Variants in SNX4 observed in about 807,000 individuals in gnomAD.
The protein encoded by SNX4 is sorting nexin-4.
In SNX4, 49 loss-of-function variants were observed where a neutral mutation model predicts 70.8. That is an observed-to-expected ratio of 0.69 (90% CI 0.55 to 0.88). SNX4 has a LOEUF of 0.88. Among genes scored for constraint, SNX4 ranks in the 40% least tolerant of loss-of-function variants. The pLI, the probability that SNX4 is intolerant of heterozygous loss-of-function variation, is 0.00. For missense variants in SNX4, 528 were observed against 544.8 expected (o/e 0.97, Z 0.31); for synonymous variants, 206 against 183.8 (o/e 1.12, Z -0.98).
intron 2 of SNX4, among the ~76,000 whole-genome samples, chr3:125,503,498 TTTTC>T (rs761320377): frequency 2.6e-5 from 4 of 152,164 alleles, no homozygotes; most frequent in Non-Finnish European, 5.9e-5. Context: ...ACCAAGTTCT[TTTTC>T]TTTGTTTTTT....
chr3:125,451,552 T>A, intron 12 of SNX4, 133 bp from the exon 13 acceptor site: 1 of 578,050 alleles, frequency 1.7e-6, no homozygotes, highest in Non-Finnish European at 3.1e-6. Flanking sequence ...TATAAGACAG[T>A]TTTTTTATTT....
chr3:125,497,219 T>C, intron 5 of SNX4, 122 bp downstream of exon 5: 1 of 596,066 alleles, frequency 1.7e-6, no homozygotes, highest in Non-Finnish European at 2.9e-6. Context: ...TTACCAATGA[T>C]ATTTATTGTA....
Position 125,495,275 on chromosome 3 carries a change from T to TATATATATATATATATATATAC in SNX4, c.597+2065_597+2066insGTATATATATATATATATATAT. On this transcript the variant is annotated intron_variant, in intron 5 of 13. Transcript: ENST00000251775. Reference sequence around the variant, plus strand: ...TTATATATATATATATATATATATATATACACATACACACACACACACGTA... The same window carrying TATATATATATATATATATATAC: ...TTATATATATATATATATATATATATATATATATATATATATATATACATACACATACACACACACACACGTA... Among the ~76,000 whole-genome samples, 165 of 83,022 alleles carry TATATATATATATATATATATAC rather than the reference T, an allele frequency of 2.0e-3. 4 individuals carry two copies. The highest frequency in any genetic ancestry group is 5.7e-3 in the African/African-American group (157 of 27,552). The allele number at this position is 83,022 out of a possible 152,430, so 54.5% of individuals were successfully genotyped here.
At chr3:125,515,333 C>T (rs1012370990) in intron 1 of SNX4, among the ~76,000 whole-genome samples, 1 of 146,720 alleles carries the variant, frequency 6.8e-6, no homozygotes, top group South Asian at 2.2e-4. Flanking sequence ...ATCTGGGCGA[C>T]AGAGGGAGAC....
chr3:125,450,218 C>CT (rs1235910939), intron 13 of SNX4, among the ~76,000 whole-genome samples: 4 of 152,212 alleles, frequency 2.6e-5, no homozygotes, highest in African/African-American at 9.6e-5. Flanking sequence ...CCTTTAGCAC[C>CT]TGCAGACTCA....
At position 125,508,913 on chromosome 3, in the gene SNX4, C is replaced by G. The variant is rs371375964; in HGVS notation, c.142-4169G>C. Among the ~76,000 whole-genome samples, 3 of 151,778 alleles carry G rather than the reference C, an allele frequency of 2.0e-5. 1 individual carries two copies. The South Asian group carries it at 6.2e-4, about 32-fold the overall frequency. ...AGCACAAAACTCTTAGAAGAAAACA[C>G]GGGAAAAGTTTCAAGACACTGGATT... On this transcript the variant is annotated intron_variant, in intron 1 of 13. Coordinates refer to ENST00000251775, the MANE Select transcript of SNX4 (RefSeq NM_003794.4).
intron 1 of SNX4, among the ~76,000 whole-genome samples, chr3:125,506,535 C>A (rs2107567186): frequency 7.1e-6 from 1 of 141,542 alleles, no homozygotes; most frequent in South Asian, 2.2e-4. Flanking sequence ...CTGAGACAGT[C>A]TTGCTCTATC....
chr3:125,491,126 T>C (rs1383444836), intron 5 of SNX4, among the ~76,000 whole-genome samples: 3 of 152,224 alleles, frequency 2.0e-5, no homozygotes, highest in African/African-American at 4.8e-5. Flanking sequence ...GTAGTTTATT[T>C]TGATTTTAGG....
At chr3:125,476,904 C>T (rs1023491540) in intron 7 of SNX4, 148 bp from the exon 8 acceptor site, 2 of 552,576 alleles carry the variant, frequency 3.6e-6, no homozygotes, top group African/African-American at 4.0e-5. Context: ...TCCCATCCCC[C>T]TAAAACTAAA....
At chr3:125,499,037 G>C (rs1359327716) in intron 2 of SNX4, among the ~76,000 whole-genome samples, 1 of 152,160 alleles carries the variant, frequency 6.6e-6, no homozygotes, top group East Asian at 1.9e-4. Context: ...AGCTCTGAAA[G>C]AGTGGCGAAG....
chr3:125,475,230 G>A (rs1345084012), intron 8 of SNX4, among the ~76,000 whole-genome samples: 6 of 152,012 alleles, frequency 3.9e-5, no homozygotes, highest in Non-Finnish European at 8.8e-5. Flanking sequence ...TCTAATAAAT[G>A]AATTAAATAA....
At chr3:125,499,551 A>C (rs1324951416) in intron 2 of SNX4, among the ~76,000 whole-genome samples, 1 of 152,190 alleles carries the variant, frequency 6.6e-6, no homozygotes, top group African/African-American at 2.4e-5. Flanking sequence ...TTAAATCATA[A>C]TTCATTTTAA....
At chr3:125,473,781 T>C (rs1389905861) in intron 8 of SNX4, among the ~76,000 whole-genome samples, 1 of 152,210 alleles carries the variant, frequency 6.6e-6, no homozygotes, top group South Asian at 2.1e-4. Context: ...TGCTTGACTT[T>C]GAATACTCCA....
chr3:125,476,822 C>G (rs1934299289), intron 7 of SNX4, 66 bp from the exon 8 acceptor site: 1 of 908,908 alleles, frequency 1.1e-6, no homozygotes, highest in South Asian at 1.5e-5. Flanking sequence ...AAAAATAGAC[C>G]CAAAAAACAA....
intron 5 of SNX4, among the ~76,000 whole-genome samples, chr3:125,492,991 GT>G (rs1934696788): frequency 6.6e-6 from 1 of 152,190 alleles, no homozygotes; most frequent in Admixed American, 6.5e-5. Flanking sequence ...GACTAACTAT[GT>G]TAACTGAGTT....
At chr3:125,518,805 C>T (rs985902939) in intron 1 of SNX4, among the ~76,000 whole-genome samples, 2 of 151,670 alleles carry the variant, frequency 1.3e-5, no homozygotes, top group Non-Finnish European at 2.9e-5. Flanking sequence ...AAGTTCGAGA[C>T]CAGCCTGACC....
intron 2 of SNX4, among the ~76,000 whole-genome samples, chr3:125,499,118 T>C (rs1468230205): frequency 1.3e-5 from 2 of 152,214 alleles, no homozygotes; most frequent in African/African-American, 4.8e-5. Context: ...CCATGTCTCA[T>C]ACATACAAAA....
intron 10 of SNX4, 99 bp from the exon 11 acceptor site, chr3:125,457,464 G>A: frequency 1.2e-6 from 1 of 819,004 alleles, no homozygotes; most frequent in East Asian, 2.7e-5. Context: ...TCTCGCTAGG[G>A]CAGAATGTGT....
chr3:125,515,586 G>A (rs1935258206), intron 1 of SNX4, among the ~76,000 whole-genome samples: 1 of 148,396 alleles, frequency 6.7e-6, no homozygotes, highest in Non-Finnish European at 1.5e-5. Flanking sequence ...GACTGCTTGA[G>A]ACCAGTAGGT....
Sources: gnomAD v4.1 joint callset for allele counts (sites outside exome capture counted in the v4.1 genomes callset) on GRCh38, gnomAD v4.1.1 for gene constraint, MANE v1.5 for transcripts, NCBI Gene and HGNC (gene_info 2026-07-23, HGNC 2026-07-21) for gene names.